GTF2IRD1: variants seen among roughly 807,000 people sequenced by gnomAD.
The protein encoded by GTF2IRD1 is general transcription factor II-I repeat domain-containing protein 1.
A neutral mutation model predicts 113.2 loss-of-function variants in GTF2IRD1; 26 were observed. The observed-to-expected ratio is 0.23, with a 90% CI of 0.17 to 0.32. The LOEUF is 0.32. Ranked by LOEUF, GTF2IRD1 falls within the 10% of genes least tolerant of loss-of-function variation. The pLI, the probability that GTF2IRD1 is intolerant of heterozygous loss-of-function variation, is 1.00. For missense variants in GTF2IRD1, 864 were observed against 1,280.8 expected (o/e 0.67, Z 4.97); for synonymous variants, 484 against 529.1 (o/e 0.91, Z 1.17).
At position 74,538,665 on chromosome 7, in the gene GTF2IRD1, CT is replaced by C; in HGVS notation, c.1448-12del. The C allele has an allele frequency of 6.6e-7, 1 of 1,506,464 alleles. No individual in the cohort carries two copies. The highest frequency in any genetic ancestry group is 9.2e-7 in the Non-Finnish European group (1 of 1,082,120). The allele number at this position is 1,506,464 out of a possible 1,614,324, so 93.3% of individuals were successfully genotyped here. A position where few individuals can be genotyped will look rare whatever the true frequency, so the allele number is the denominator to read the frequency against. On this transcript the variant is annotated splice_polypyrimidine_tract_variant and intron_variant, in intron 12 of 26. Transcript: ENST00000424337. ...CATGCCAGACTTGACAGGATTCTTC[CT>C]TTCCTCCTTGCAGGAACCTCCGGGG...
chr7:74,457,219 G>A (rs2116853158), intron 1 of GTF2IRD1, among the ~76,000 whole-genome samples: 2 of 152,046 alleles, frequency 1.3e-5, no homozygotes, highest in East Asian at 3.9e-4. Context: ...CGAACTCCTG[G>A]GCATGAGGAG....
At chr7:74,544,213 C>T (rs1554352528) in intron 14 of GTF2IRD1, among the ~76,000 whole-genome samples, 8 of 152,080 alleles carry the variant, frequency 5.3e-5, no homozygotes, top group Non-Finnish European at 1.5e-5. Context: ...GTTTTTGAGA[C>T]GGAGTCTCAC....
chr7:74,516,688 C>A (rs587734291), intron 4 of GTF2IRD1, among the ~76,000 whole-genome samples: 1 of 152,212 alleles, frequency 6.6e-6, no homozygotes, highest in Non-Finnish European at 1.5e-5. Context: ...GGTGGTCACA[C>A]TGGCCACCCT....
intron 17 of GTF2IRD1, among the ~76,000 whole-genome samples, chr7:74,550,380 T>C (rs1401025357): frequency 6.6e-6 from 1 of 151,762 alleles, no homozygotes; most frequent in Non-Finnish European, 1.5e-5. Context: ...GAGGGCTTCT[T>C]TCAACAAATT....
At chr7:74,534,621 A>G (rs1373892268) in intron 9 of GTF2IRD1, among the ~76,000 whole-genome samples, 6 of 152,002 alleles carry the variant, frequency 3.9e-5, no homozygotes, top group Non-Finnish European at 7.4e-5. Flanking sequence ...GAGGCTGACA[A>G]TGACTCCTGT....
In GTF2IRD1 at chr7:74,548,864, C is replaced by T. The variant is rs140777171; in HGVS notation, c.1916+1578C>T. Among the ~76,000 whole-genome samples the T allele has an allele frequency of 3.3e-3, 506 of 151,900 alleles. 15 individuals carry two copies. The highest frequency in any genetic ancestry group is 0.03 in the Admixed American group (451 of 15,268). On this transcript the variant is annotated intron_variant, in intron 17 of 26. Coordinates refer to ENST00000424337, the MANE Select transcript of GTF2IRD1 (RefSeq NM_005685.4). ...TGGAGGCTCCAGTGAGCTATGATTGCACCACTGCACTCCAGCCTGGGTAAC... is the reference window on the plus strand; with the variant it reads ...TGGAGGCTCCAGTGAGCTATGATTGTACCACTGCACTCCAGCCTGGGTAAC...
intron 11 of GTF2IRD1, among the ~76,000 whole-genome samples, chr7:74,537,725 T>G (rs1486059811): frequency 6.6e-6 from 1 of 152,098 alleles, no homozygotes; most frequent in Non-Finnish European, 1.5e-5. Context: ...TGTCCCAGGG[T>G]TCCTGCCACC....
chr7:74,555,700 G>A lies in GTF2IRD1; in HGVS notation c.2023+206G>A, dbSNP rs1411437305. Among the ~76,000 whole-genome samples the A allele has an allele frequency of 6.6e-6, 1 of 152,184 alleles. No individual in the cohort carries two copies. The highest frequency in any genetic ancestry group is 2.1e-4 in the South Asian group (1 of 4,830). On this transcript the variant is annotated intron_variant, in intron 19 of 26. Coordinates refer to ENST00000424337, the MANE Select transcript of GTF2IRD1 (RefSeq NM_005685.4). The surrounding 1 kb of genome is among the most constrained non-coding windows in gnomAD (Gnocchi z 5.3). ...CTCCAGGGGAGAGGGGGTGCCTACA[G>A]GTGGACGGTCGGGGGAGCCCAGGAG... is the stretch of plus-strand genomic sequence containing the variant.
In GTF2IRD1 at chr7:74,547,148, A is replaced by C; in HGVS notation, c.1778A>C (p.Lys593Thr). The stretch of plus-strand genomic sequence containing the variant: ...GAGCCCGTCAAGGTGCCGTACTCCA[A>C]GTTTCTGATGCACCCGGAGGAGCTG... ...ISEPVKVPYS[K>T]FLMHPEELFV... The change falls in exon 17 of 27, where the codon AAG becomes ACG. Residue 593 changes from lysine (K) to threonine (T), a missense_variant. Around this residue, in one of 7 missense-constraint regions of GTF2IRD1, gnomAD observed 218 missense variants for 352.6 expected, o/e 0.62. Transcript: ENST00000424337. 1 of 1,613,636 alleles carries C rather than the reference A, an allele frequency of 6.2e-7. No individual in the cohort carries two copies. The highest frequency in any genetic ancestry group is 2.2e-5 in the East Asian group (1 of 44,880).
At position 74,521,311 on chromosome 7, in the gene GTF2IRD1, C is replaced by A. The variant is rs376234384; in HGVS notation, c.1006+14C>A. 6 of 1,520,500 alleles carry A rather than the reference C, an allele frequency of 3.9e-6. No individual in the cohort carries two copies. Among genetic ancestry groups the A allele is most frequent in the Non-Finnish European group, 4.6e-6 (5 of 1,095,294 alleles). The allele number at this position is 1,520,500 out of a possible 1,614,324, so 94.2% of individuals were successfully genotyped here. A position where few individuals can be genotyped will look rare whatever the true frequency, so the allele number is the denominator to read the frequency against. ...ATGACAAGTCAGGTAGGACAGCGCC[C>A]ACGAAGCACCCCGGCCTGAGTGGGA... On this transcript the variant is annotated intron_variant, in intron 7 of 26. Coordinates refer to ENST00000424337, the MANE Select transcript of GTF2IRD1 (RefSeq NM_005685.4).
intron 17 of GTF2IRD1, among the ~76,000 whole-genome samples, chr7:74,549,940 G>T (rs1214626510): frequency 3.3e-5 from 5 of 152,024 alleles, no homozygotes; most frequent in African/African-American, 1.2e-4. Context: ...GGAGGCTGAG[G>T]CAGGAGAATT....
intron 1 of GTF2IRD1, among the ~76,000 whole-genome samples, chr7:74,461,803 T>C (rs192109706): frequency 2.0e-5 from 3 of 152,190 alleles, no homozygotes; most frequent in African/African-American, 7.2e-5. Flanking sequence ...GGTTTTGAAC[T>C]CCTGATCTCA....
At chr7:74,463,790 C>G (rs1446093680) in intron 1 of GTF2IRD1, among the ~76,000 whole-genome samples, 1 of 150,894 alleles carries the variant, frequency 6.6e-6, no homozygotes, top group Non-Finnish European at 1.5e-5. Context: ...GTGGCGTGAT[C>G]ACGGCTCACT....
At chr7:74,486,848 G>A (rs1795058081) in intron 1 of GTF2IRD1, among the ~76,000 whole-genome samples, 1 of 151,896 alleles carries the variant, frequency 6.6e-6, no homozygotes, top group African/African-American at 2.4e-5. Context: ...GCGTGGTTGT[G>A]TGCTCCTGTA....
chr7:74,503,268 C>CA (rs1364653335), intron 1 of GTF2IRD1, among the ~76,000 whole-genome samples: 11 of 152,052 alleles, frequency 7.2e-5, no homozygotes, highest in Non-Finnish European at 1.6e-4. Context: ...CAGGTGTTGG[C>CA]AGCAGCTGAG....
intron 9 of GTF2IRD1, among the ~76,000 whole-genome samples, chr7:74,530,382 G>C (rs1554348500): frequency 6.6e-6 from 1 of 151,976 alleles, no homozygotes; most frequent in African/African-American, 2.4e-5. Flanking sequence ...GAGTCTGAGA[G>C]AGAATTCTGT....
intron 10 of GTF2IRD1, among the ~76,000 whole-genome samples, chr7:74,535,769 C>T (rs781826714): frequency 6.6e-6 from 1 of 152,200 alleles, no homozygotes; most frequent in Non-Finnish European, 1.5e-5. Flanking sequence ...AGGATAAGGG[C>T]GCCTTCCTCT....
chr7:74,583,789 T>G (rs1286489570), intron 22 of GTF2IRD1, among the ~76,000 whole-genome samples: 1 of 152,134 alleles, frequency 6.6e-6, no homozygotes, highest in Non-Finnish European at 1.5e-5. Flanking sequence ...AGTTTCCTGA[T>G]TGGCTAAAGC....
chr7:74,577,658 ATT>A (rs1324104953), intron 22 of GTF2IRD1, among the ~76,000 whole-genome samples: 2 of 141,808 alleles, frequency 1.4e-5, no homozygotes, highest in Admixed American at 7.1e-5. Flanking sequence ...TTCTTTTTTA[ATT>A]TTTTTTTTTT....
Sources: allele counts gnomAD v4.1 joint callset (sites outside exome capture counted in the v4.1 genomes callset), GRCh38; gene constraint gnomAD v4.1.1; regional missense constraint gnomAD v4.1.1; non-coding constraint Gnocchi (gnomAD v3.1); transcripts MANE v1.5; gene names NCBI Gene and HGNC (gene_info 2026-07-23, HGNC 2026-07-21).